AAGAB: variants seen among roughly 807,000 people sequenced by gnomAD.
AAGAB encodes alpha- and gamma-adaptin-binding protein p34.
A neutral mutation model predicts 44.1 loss-of-function variants in AAGAB; 38 were observed. That is an observed-to-expected ratio of 0.86 (90% CI 0.67 to 1.13). AAGAB has a LOEUF of 1.13. AAGAB is among the 50% of genes most tolerant of loss of function. AAGAB has a pLI of 0.00. For missense variants in AAGAB, 450 were observed against 373.8 expected (o/e 1.20, Z -1.68); for synonymous variants, 131 against 131.8 (o/e 0.99, Z 0.04).
At chr15:67,208,436 G>T in intron 7 of AAGAB, 126 bp downstream of exon 7, 1 of 695,642 alleles carries the variant, frequency 1.4e-6, no homozygotes, top group Non-Finnish European at 2.5e-6. Context: ...ACATTCATGT[G>T]TGGTATACTA....
intron 5 of AAGAB, among the ~76,000 whole-genome samples, chr15:67,215,622 A>C (rs946659749): frequency 6.6e-5 from 10 of 152,210 alleles, no homozygotes; most frequent in Admixed American, 2.0e-4. Context: ...AGCATGACCA[A>C]ACTTACTAAA....
intron 5 of AAGAB, among the ~76,000 whole-genome samples, chr15:67,212,623 A>G (rs1963850948): frequency 6.6e-6 from 1 of 152,230 alleles, no homozygotes; most frequent in South Asian, 2.1e-4. Flanking sequence ...AACTAACAAG[A>G]GAGTTCATTA....
intron 4 of AAGAB, among the ~76,000 whole-genome samples, chr15:67,232,114 C>T (rs972022765): frequency 7.2e-5 from 11 of 151,804 alleles, no homozygotes; most frequent in Non-Finnish European, 1.6e-4. Context: ...ATTAGCCAGG[C>T]GTGGTGGCGC....
At chr15:67,203,523 A>G (rs767359660) in intron 9 of AAGAB, 25 bp downstream of exon 9, 3 of 1,603,282 alleles carry the variant, frequency 1.9e-6, no homozygotes, top group South Asian at 2.2e-5. Context: ...TAGGTATTCA[A>G]TAAATACCTG....
At position 67,236,394 on chromosome 15, in the gene AAGAB, T is replaced by A. The variant is rs763590567; in HGVS notation, c.361+14A>T. 4.3e-6 allele frequency: 7 copies of A among 1,611,468 alleles called. No homozygotes were observed. Among genetic ancestry groups the A allele is most frequent in the Non-Finnish European group, 5.9e-6 (7 of 1,177,860 alleles). ...AATGCATGTACCAACTACTGTCCCA[T>A]CCACAGGCCTTACCATCTTCAGACA... On this transcript the variant is annotated intron_variant, in intron 3 of 9. Transcript: ENST00000261880.
At chr15:67,219,747 A>C (rs1160305838) in intron 5 of AAGAB, among the ~76,000 whole-genome samples, 1 of 152,198 alleles carries the variant, frequency 6.6e-6, no homozygotes, top group Admixed American at 6.5e-5. Context: ...ATTCTAAAAT[A>C]AAAATAAAAA....
At chr15:67,214,852 G>C (rs1963905713) in intron 5 of AAGAB, among the ~76,000 whole-genome samples, 1 of 151,992 alleles carries the variant, frequency 6.6e-6, no homozygotes, top group Admixed American at 6.5e-5. Flanking sequence ...GTGTTAGCCA[G>C]GATGGTCTCA....
upstream of AAGAB, chr15:67,254,877 A>C: frequency 6.2e-7 from 1 of 1,612,380 alleles, no homozygotes; most frequent in East Asian, 2.2e-5. Flanking sequence ...CCGCGGAGGT[A>C]GCCGTTCCCT....
intron 7 of AAGAB, among the ~76,000 whole-genome samples, chr15:67,204,820 T>C (rs1396979645): frequency 6.6e-6 from 1 of 152,234 alleles, no homozygotes; most frequent in Non-Finnish European, 1.5e-5. Context: ...CCACTATGTT[T>C]AGAATGTCTT....
At chr15:67,240,709 G>T (rs1469734746) in intron 1 of AAGAB, among the ~76,000 whole-genome samples, 2 of 152,090 alleles carry the variant, frequency 1.3e-5, no homozygotes, top group Non-Finnish European at 2.9e-5. Context: ...CACATCCTTG[G>T]TCAACTTCTT....
In AAGAB at chr15:67,254,654, C is replaced by A. The variant is rs373466809; in HGVS notation, c.-23G>T. 3.1e-6 allele frequency: 5 copies of A among 1,597,472 alleles called. No homozygotes were observed. In the East Asian group the frequency reaches 9.0e-5, roughly 29 times the overall value. On this transcript the variant is annotated 5_prime_UTR_variant, in exon 1 of 10. Transcript: ENST00000261880. ...CATAGCTGCGCTCGCGAGCCGGTTCCGTCAGGCAGCCGCTTCCGCCTTGGG... is the reference window on the plus strand; with the variant it reads ...CATAGCTGCGCTCGCGAGCCGGTTCAGTCAGGCAGCCGCTTCCGCCTTGGG...
chr15:67,234,436 T>C (rs1964416867), intron 4 of AAGAB, among the ~76,000 whole-genome samples: 1 of 152,130 alleles, frequency 6.6e-6, no homozygotes, highest in African/African-American at 2.4e-5. Context: ...TGGTCTGAAA[T>C]GAAGAGCTAG....
At chr15:67,242,945 C>T (rs908537214) in intron 1 of AAGAB, 1 of 152,142 alleles carries the variant, frequency 6.6e-6, no homozygotes, top group Admixed American at 6.5e-5. Context: ...TTACCTCTTC[C>T]TGACACACCC....
intron 5 of AAGAB, chr15:67,226,762 G>T (rs1218157020): frequency 6.6e-6 from 1 of 152,486 alleles, no homozygotes; most frequent in Non-Finnish European, 1.5e-5. Context: ...AAGTTATGAA[G>T]ATATCCTATA....
intron 7 of AAGAB, among the ~76,000 whole-genome samples, chr15:67,204,441 A>G (rs1226405531): frequency 6.6e-6 from 1 of 152,240 alleles, no homozygotes; most frequent in East Asian, 1.9e-4. Context: ...ACAGCTAGTA[A>G]GTTGATTCAG....
chr15:67,229,850 T>TTTTG (rs572675658), intron 5 of AAGAB, among the ~76,000 whole-genome samples: 1 of 151,702 alleles, frequency 6.6e-6, no homozygotes, highest in Non-Finnish European at 1.5e-5. Context: ...TTTTGTGTGG[T>TTTTG]TTTGTTTGTT....
chr15:67,222,242 G>GCGCGCGCGCACA (rs1367738219), intron 5 of AAGAB, among the ~76,000 whole-genome samples: 21 of 90,128 alleles, frequency 2.3e-4, no homozygotes, highest in African/African-American at 7.5e-4. Flanking sequence ...GCGCGCGCGC[G>GCGCGCGCGCACA]CACACACACA....
At chr15:67,207,175 G>A (rs1350944804) in intron 7 of AAGAB, among the ~76,000 whole-genome samples, 2 of 152,184 alleles carry the variant, frequency 1.3e-5, no homozygotes, top group Non-Finnish European at 2.9e-5. Flanking sequence ...GGCAACAAGA[G>A]CGAAACTCCA....
chr15:67,254,417 G>A, intron 1 of AAGAB, 142 bp downstream of exon 1: 1 of 1,439,930 alleles, frequency 6.9e-7, no homozygotes, highest in Non-Finnish European at 9.1e-7. Flanking sequence ...CAGCCACCTG[G>A]GGAGACTGGG....
Sources: allele counts gnomAD v4.1 joint callset (sites outside exome capture counted in the v4.1 genomes callset), GRCh38; gene constraint gnomAD v4.1.1; transcripts MANE v1.5; gene names NCBI Gene and HGNC (gene_info 2026-07-23, HGNC 2026-07-21).